The following NCAM2 variants were observed in gnomAD, a reference collection of about 807,000 sequenced individuals.
NCAM2 encodes the protein N-CAM-2.
In NCAM2, 30 loss-of-function variants were observed where a neutral mutation model predicts 98.1. The observed-to-expected ratio is 0.31, with a 90% CI of 0.23 to 0.41. The LOEUF (loss-of-function observed/expected upper bound fraction) is 0.41, where lower values mean the gene tolerates loss of function less well. NCAM2 is among the 10% of genes least tolerant of loss of function. NCAM2 has a pLI of 1.00. For synonymous variants in NCAM2, 368 were observed against 342.4 expected, an observed-to-expected ratio of 1.07 and a Z score of -0.83; for missense variants, 867 against 1,005.8, an observed-to-expected ratio of 0.86 and a Z score of 1.87.
chr21:21,141,017 G>T (rs753796129), intron 1 of NCAM2, among the ~76,000 whole-genome samples: 5 of 152,128 alleles, frequency 3.3e-5, no homozygotes, highest in South Asian at 2.1e-4. Flanking sequence ...TATGGTCCAG[G>T]AGGCAAAGAC....
intron 1 of NCAM2, among the ~76,000 whole-genome samples, chr21:21,206,390 A>C (rs981559458): frequency 7.2e-5 from 11 of 152,176 alleles, no homozygotes; most frequent in African/African-American, 2.7e-4. Flanking sequence ...TGTATGGAAG[A>C]ATATAAAAGT....
At chr21:21,032,322 T>G (rs1379047085) in intron 1 of NCAM2, among the ~76,000 whole-genome samples, 1 of 152,220 alleles carries the variant, frequency 6.6e-6, no homozygotes, top group East Asian at 1.9e-4. Context: ...AAGTTATGTT[T>G]TCTTTAGCCT....
At chr21:21,530,599 A>G (rs1321295672) in intron 16 of NCAM2, among the ~76,000 whole-genome samples, 2 of 151,464 alleles carry the variant, frequency 1.3e-5, no homozygotes, top group African/African-American at 4.8e-5. Flanking sequence ...ACATATATAC[A>G]TATATAAATT....
rs571962729 is a variant in NCAM2, at chr21:21,509,582, A to G, written c.2282+527A>G. On this transcript the variant is annotated intron_variant, in intron 16 of 17. Coordinates refer to ENST00000400546, the MANE Select transcript of NCAM2 (RefSeq NM_004540.5). ...TTACAGATTCTGAATATACTATTCT[A>G]AAATTTGATCAAAAGTTGATTACTT... 1.1e-4 allele frequency among the ~76,000 whole-genome samples: 16 copies of G among 152,292 alleles called. No homozygotes were observed. In the South Asian group the frequency reaches 3.3e-3, roughly 32 times the overall value.
At chr21:21,264,632 G>A (rs1490564229) in intron 1 of NCAM2, among the ~76,000 whole-genome samples, 2 of 150,908 alleles carry the variant, frequency 1.3e-5, no homozygotes, top group African/African-American at 4.9e-5. Flanking sequence ...AATGAAATGT[G>A]ATGTGTATGT....
intron 1 of NCAM2, among the ~76,000 whole-genome samples, chr21:21,236,897 C>G (rs1244193374): frequency 6.6e-6 from 1 of 152,054 alleles, no homozygotes; most frequent in African/African-American, 2.4e-5. Flanking sequence ...CAGAGTTGGA[C>G]GTTTAGGATA....
chr21:21,259,065 G>A (rs2071786194), intron 1 of NCAM2, among the ~76,000 whole-genome samples: 1 of 152,124 alleles, frequency 6.6e-6, no homozygotes, highest in South Asian at 2.1e-4. Flanking sequence ...CCCCCTGAGG[G>A]TCGTCATGTT....
At chr21:20,998,715 A>G (rs1485725484) in intron 1 of NCAM2, 97 bp downstream of exon 1, 1 of 1,163,876 alleles carries the variant, frequency 8.6e-7, no homozygotes, top group Middle Eastern at 1.9e-4. Context: ...AAATGAAAGA[A>G]CTAAAGTTAC....
intron 12 of NCAM2, among the ~76,000 whole-genome samples, chr21:21,442,223 G>A (rs1979396519): frequency 6.6e-6 from 1 of 151,890 alleles, no homozygotes; most frequent in South Asian, 2.1e-4. Context: ...ACAGTTCAGA[G>A]GCAATGGTGG....
chr21:21,121,454 C>T (rs118149918), intron 1 of NCAM2, among the ~76,000 whole-genome samples: 21 of 152,112 alleles, frequency 1.4e-4, no homozygotes, highest in Non-Finnish European at 2.8e-4. Flanking sequence ...AATTTTGCAC[C>T]GTAATTTTAG....
At position 21,276,044 on chromosome 21, in the gene NCAM2, A is replaced by G. The variant is rs146427869; in HGVS notation, c.56-4534A>G. Among the ~76,000 whole-genome samples the G allele has an allele frequency of 5.4e-3, 821 of 152,132 alleles. 11 individuals carry two copies. Among genetic ancestry groups the G allele is most frequent in the African/African-American group, 0.019 (791 of 41,528 alleles). ...TTCCTTGAACACTTCAGCCTTACCC[A>G]ATGTGGAATGCCCTTATTCTTTTCT... is the stretch of plus-strand genomic sequence containing the variant. On this transcript the variant is annotated intron_variant, in intron 1 of 17. Transcript: ENST00000400546.
intron 1 of NCAM2, among the ~76,000 whole-genome samples, chr21:21,225,790 A>G (rs904310547): frequency 2.0e-5 from 3 of 152,074 alleles, no homozygotes; most frequent in East Asian, 3.9e-4. Flanking sequence ...AGTGTGGCCA[A>G]CACACCAAAG....
chr21:21,096,878 C>T (rs187220952), intron 1 of NCAM2, among the ~76,000 whole-genome samples: 7 of 151,500 alleles, frequency 4.6e-5, no homozygotes, highest in African/African-American at 9.7e-5. Flanking sequence ...TTGTTACAAC[C>T]GGATTTCTCA....
At chr21:21,036,794 T>C (rs1346071460) in intron 1 of NCAM2, among the ~76,000 whole-genome samples, 1 of 152,148 alleles carries the variant, frequency 6.6e-6, no homozygotes, top group African/African-American at 2.4e-5. Flanking sequence ...GTATTTCAGA[T>C]AATTTCAAAG....
chr21:21,016,353 G>A (rs112687430), intron 1 of NCAM2, among the ~76,000 whole-genome samples: 1,620 of 152,240 alleles, frequency 0.011, 29 homozygotes, highest in African/African-American at 0.037. Context: ...CAAAGCCAAC[G>A]TTTATAAAGT....
chr21:21,430,157 C>T (rs60719500), intron 11 of NCAM2, among the ~76,000 whole-genome samples: 15 of 151,516 alleles, frequency 9.9e-5, no homozygotes, highest in African/African-American at 3.6e-4. Flanking sequence ...GCCTCCCAAG[C>T]AGCTGGAATC....
At chr21:21,483,563 C>T (rs905214331) in intron 15 of NCAM2, among the ~76,000 whole-genome samples, 1 of 151,876 alleles carries the variant, frequency 6.6e-6, no homozygotes, top group Non-Finnish European at 1.5e-5. Flanking sequence ...AACTTTCAAA[C>T]ACATGGCAAA....
chr21:21,123,767 G>C (rs1164174766), intron 1 of NCAM2, among the ~76,000 whole-genome samples: 1 of 150,908 alleles, frequency 6.6e-6, no homozygotes, highest in African/African-American at 2.4e-5. Flanking sequence ...TTATGATTTA[G>C]GTGTTACTGT....
intron 1 of NCAM2, among the ~76,000 whole-genome samples, chr21:21,036,920 A>G (rs376490344): frequency 6.6e-6 from 1 of 152,304 alleles, no homozygotes; most frequent in East Asian, 1.9e-4. Context: ...TATTTCACTA[A>G]TATAGGTTTT....
Sources: gnomAD v4.1 joint callset for allele counts (sites outside exome capture counted in the v4.1 genomes callset) on GRCh38, gnomAD v4.1.1 for gene constraint, MANE v1.5 for transcripts, NCBI Gene and HGNC (gene_info 2026-07-23, HGNC 2026-07-21) for gene names.